Variants in RASSF3 observed in about 807,000 individuals in gnomAD.
RASSF3 encodes Ras association domain family member 3.
RASSF3 carries 19 observed loss-of-function variants against 19.9 expected under a neutral mutation model. The ratio of observed to expected loss-of-function variants is 0.96; its 90% CI spans 0.67 to 1.40. The LOEUF (loss-of-function observed/expected upper bound fraction) is 1.40. RASSF3 is among the 40% of genes most tolerant of loss of function. The pLI, the probability that RASSF3 is intolerant of heterozygous loss-of-function variation, is 0.00. For missense variants in RASSF3, 306 were observed against 289.8 expected (o/e 1.06, Z -0.41); for synonymous variants, 110 against 104.2 (o/e 1.06, Z -0.34).
intron 2 of RASSF3, among the ~76,000 whole-genome samples, chr12:64,572,110 CTT>C (rs1491123679): frequency 3.3e-5 from 5 of 150,818 alleles, no homozygotes; most frequent in East Asian, 2.0e-4. Flanking sequence ...TAATTGTAGA[CTT>C]GTGTGTGTGT....
chr12:64,665,686 C>A (rs1377473818), intron 1 of RASSF3, among the ~76,000 whole-genome samples: 2 of 152,192 alleles, frequency 1.3e-5, no homozygotes, highest in Non-Finnish European at 2.9e-5. Context: ...AACCTGCCCT[C>A]TTAATTTGCA....
chr12:64,516,586 T>A (rs1442722153), intron 1 of RASSF3, among the ~76,000 whole-genome samples: 9 of 139,600 alleles, frequency 6.4e-5, no homozygotes. Flanking sequence ...GCCACTGCAC[T>A]CCAGCCTGGG....
intron 1 of RASSF3, among the ~76,000 whole-genome samples, chr12:64,661,101 C>T (rs1872339583): frequency 6.6e-6 from 1 of 152,170 alleles, no homozygotes; most frequent in Non-Finnish European, 1.5e-5. Context: ...GGGTTCAGAT[C>T]CTGGCCTCAC....
intron 1 of RASSF3, among the ~76,000 whole-genome samples, chr12:64,673,292 G>T (rs1872765492): frequency 6.6e-6 from 1 of 152,136 alleles, no homozygotes; most frequent in African/African-American, 2.4e-5. Flanking sequence ...GGTGGTGCTT[G>T]TGTCACCACT....
In RASSF3 at chr12:64,559,520, C is replaced by T. The variant is rs548936212; in HGVS notation, c.294+17815C>T. Among the ~76,000 whole-genome samples, 19 of 152,244 alleles carry T rather than the reference C, an allele frequency of 1.2e-4. No individual in the cohort carries two copies. In the East Asian group the frequency reaches 3.5e-3, roughly 28 times the overall value. ...TCCTGACCTCGTGATCTGCCCACCT[C>T]GGCCTCCCAAAGTGCTGGGATTACA... On this transcript the variant is annotated intron_variant, in intron 2 of 5. Transcript: ENST00000637125.
intron 2 of RASSF3, among the ~76,000 whole-genome samples, chr12:64,589,150 A>T (rs1348555713): frequency 6.6e-6 from 1 of 152,226 alleles, no homozygotes; most frequent in East Asian, 1.9e-4. Flanking sequence ...TCTTTTTCAC[A>T]TTAAAAATGT....
At chr12:64,577,439 CAGT>C (rs1341949454) in intron 2 of RASSF3, among the ~76,000 whole-genome samples, 1 of 152,174 alleles carries the variant, frequency 6.6e-6, no homozygotes, top group African/African-American at 2.4e-5. Flanking sequence ...AGAAGATAAA[CAGT>C]AGGAGTGGTT....
In RASSF3 at chr12:64,695,950, CTTGA is replaced by C. The variant is rs1232221441; in HGVS notation, c.*1042_*1045del. On this transcript the variant is annotated 3_prime_UTR_variant, in exon 5 of 5. Coordinates refer to ENST00000542104, the MANE Select transcript of RASSF3 (RefSeq NM_178169.4). ...TTTGGGTAGGGGCAGCTGTTTTTCC[CTTGA>C]TTGTTAGCTAGGATATTTGTCAAGT... 3 of 152,206 alleles carry C rather than the reference CTTGA, an allele frequency of 2.0e-5. No homozygotes were observed. The allele number at this position is 152,206 out of a possible 1,614,324, so 9.4% of individuals were successfully genotyped here.
chr12:64,620,454 A>G (rs973745763), intron 1 of RASSF3, among the ~76,000 whole-genome samples: 9 of 152,204 alleles, frequency 5.9e-5, no homozygotes, highest in African/African-American at 2.2e-4. Flanking sequence ...TTTGCGATAT[A>G]TACCCATAAG....
At chr12:64,693,401 A>T (rs1222495412) in intron 4 of RASSF3, among the ~76,000 whole-genome samples, 2 of 149,960 alleles carry the variant, frequency 1.3e-5, no homozygotes, top group Admixed American at 6.7e-5. Flanking sequence ...TCTATTTTTT[A>T]AAATCTGTTT....
downstream of RASSF3, among the ~76,000 whole-genome samples, chr12:64,545,756 A>T (rs192111801): frequency 2.6e-4 from 40 of 152,264 alleles, no homozygotes; most frequent in East Asian, 7.1e-3. Flanking sequence ...GTGAGACCTC[A>T]TCTCTACAAA....
At chr12:64,597,047 G>A (rs901748870) in intron 2 of RASSF3, among the ~76,000 whole-genome samples, 5 of 151,996 alleles carry the variant, frequency 3.3e-5, no homozygotes, top group African/African-American at 9.7e-5. Flanking sequence ...GATTACAGGC[G>A]TGAGCCACCG....
chr12:64,609,453 AT>A (rs1870260781), upstream of RASSF3: 1 of 152,180 alleles, frequency 6.6e-6, no homozygotes, highest in South Asian at 2.1e-4. Flanking sequence ...TCCCCTCCTA[AT>A]GAAACCTCTT....
At chr12:64,643,392 G>A (rs1480155037) in intron 1 of RASSF3, among the ~76,000 whole-genome samples, 1 of 152,034 alleles carries the variant, frequency 6.6e-6, no homozygotes, top group East Asian at 1.9e-4. Context: ...TATAGAAGCC[G>A]GTGAGGTGGC....
Position 64,684,775 on chromosome 12 carries a change from T to G in RASSF3, c.112-12T>G, listed in dbSNP as rs1234766442. Reference sequence around the variant, plus strand: ...GATTGCTCACATGTGACATGTCTTGTTTTTCTTCTAGGATGTTGAGAAAGA... The same window carrying G: ...GATTGCTCACATGTGACATGTCTTGGTTTTCTTCTAGGATGTTGAGAAAGA... On this transcript the variant is annotated splice_polypyrimidine_tract_variant and intron_variant, in intron 1 of 4. Transcript: ENST00000542104. 2 of 1,581,368 alleles carry G rather than the reference T, an allele frequency of 1.3e-6. No individual in the cohort carries two copies. The highest frequency in any genetic ancestry group is 1.7e-6 in the Non-Finnish European group (2 of 1,150,590).
At chr12:64,590,078 A>T (rs1287725588) in intron 2 of RASSF3, among the ~76,000 whole-genome samples, 1 of 151,768 alleles carries the variant, frequency 6.6e-6, no homozygotes, top group Admixed American at 6.6e-5. Context: ...AAAAAAAAAA[A>T]AAAATTAAAT....
At chr12:64,532,057 T>C (rs372762386), upstream of RASSF3, among the ~76,000 whole-genome samples, 16 of 152,088 alleles carry the variant, frequency 1.1e-4, no homozygotes, top group Admixed American at 7.2e-4. Flanking sequence ...AAGTGGGAGA[T>C]CAGGGAGAGA....
intron 1 of RASSF3, among the ~76,000 whole-genome samples, chr12:64,623,849 G>A (rs1052324109): frequency 2.0e-5 from 3 of 151,724 alleles, no homozygotes; most frequent in Non-Finnish European, 2.9e-5. Flanking sequence ...GAGTTTCACC[G>A]TGTTGGCCAG....
intron 1 of RASSF3, among the ~76,000 whole-genome samples, chr12:64,619,329 CT>C (rs934255325): frequency 2.0e-4 from 30 of 146,662 alleles, no homozygotes; most frequent in African/African-American, 3.5e-4. Flanking sequence ...GGGAACTTCC[CT>C]TTTTTTTTTC....
Sources: gnomAD v4.1 joint callset for allele counts (sites outside exome capture counted in the v4.1 genomes callset) on GRCh38, gnomAD v4.1.1 for gene constraint, MANE v1.5 for transcripts, NCBI Gene and HGNC (gene_info 2026-07-23, HGNC 2026-07-21) for gene names.